RGPD1: variants seen among roughly 807,000 people sequenced by gnomAD.
RGPD1 encodes the protein RANBP2-like and GRIP domain-containing protein 1.
A neutral mutation model predicts 40.6 loss-of-function variants in RGPD1; 7 were observed. The ratio of observed to expected loss-of-function variants is 0.17; its 90% CI spans 0.10 to 0.32. The LOEUF is 0.32. Ranked by LOEUF, RGPD1 falls within the 10% of genes least tolerant of loss-of-function variation. The pLI is 1.00. For synonymous variants in RGPD1, 24 were observed against 167.0 expected, an observed-to-expected ratio of 0.14 and a Z score of 6.60; for missense variants, 50 against 472.5, an observed-to-expected ratio of 0.11 and a Z score of 8.29.
In RGPD1 at chr2:86,942,272, C is replaced by A; in HGVS notation, c.36C>A (p.Val12=). The change falls in exon 1 of 23, where the codon GTC becomes GTA. Residue 12 remains valine (V), a synonymous_variant. Coordinates refer to ENST00000641458, the MANE Select transcript of RGPD1 (RefSeq NM_001382344.1). ...RRSKAYGERY[V]ASVQGSAPSP... ...GCAAGGCCTACGGGGAGCGGTACGT[C>A]GCCTCGGTGCAGGGCTCCGCCCCGT... is the stretch of plus-strand genomic sequence containing the variant. 6.2e-7 allele frequency: 1 copy of A among 1,606,968 alleles called. No homozygotes were observed. The highest frequency in any genetic ancestry group is 2.2e-5 in the East Asian group (1 of 44,686).
intron 1 of RGPD1, among the ~76,000 whole-genome samples, chr2:86,942,966 C>T (rs1271109055): frequency 6.6e-6 from 1 of 152,064 alleles, no homozygotes; most frequent in East Asian, 1.9e-4. Context: ...AGTACCCGCG[C>T]GGCCTAGTTC....
At chr2:86,942,452 G>C (rs1277841628) in intron 1 of RGPD1, 144 bp downstream of exon 1, 6 of 670,504 alleles carry the variant, frequency 8.9e-6, no homozygotes, top group Non-Finnish European at 1.0e-5. Flanking sequence ...TCCCTGGCGC[G>C]CTCTGTTGAG....
chr2:86,941,519 A>G (rs1035992488), upstream of RGPD1, among the ~76,000 whole-genome samples: 1 of 148,338 alleles, frequency 6.7e-6, no homozygotes, highest in Admixed American at 6.7e-5. Context: ...TGCTGGGGCT[A>G]CCGGCTTGAG....
intron 1 of RGPD1, among the ~76,000 whole-genome samples, chr2:86,944,486 TC>T (rs1312238724): frequency 2.6e-5 from 4 of 152,020 alleles, no homozygotes; most frequent in Non-Finnish European, 5.9e-5. Flanking sequence ...CACTGCAACT[TC>T]CGCCTCCCCA....
chr2:86,960,527 C>T lies in RGPD1; in HGVS notation c.779+2100C>T, dbSNP rs1373007062. Among the ~76,000 whole-genome samples, 55 of 111,050 alleles carry T rather than the reference C, an allele frequency of 5.0e-4. 2 individuals carry two copies. The highest frequency in any genetic ancestry group is 7.7e-4 in the Non-Finnish European group (44 of 56,880). The allele number at this position is 111,050 out of a possible 152,430, so 72.9% of individuals were successfully genotyped here. ...GGCGTGAGCCACCGCGCTCAGCCCA[C>T]ACCTGGCTAATTTTTGTATTTTTAG... On this transcript the variant is annotated intron_variant, in intron 6 of 22. Transcript: ENST00000641458.
chr2:86,916,359 TA>T (rs1677797424), intron 1 of RGPD1, among the ~76,000 whole-genome samples: 1 of 144,148 alleles, frequency 6.9e-6, no homozygotes, highest in African/African-American at 2.5e-5. Context: ...CTTTGGTTAA[TA>T]GGCATGTTAA....
chr2:86,925,656 T>G (rs1678433186), intron 1 of RGPD1, among the ~76,000 whole-genome samples: 3 of 152,250 alleles, frequency 2.0e-5, no homozygotes, highest in Non-Finnish European at 4.4e-5. Flanking sequence ...TATTTACAAT[T>G]GCTTTGATTT....
intron 1 of RGPD1, among the ~76,000 whole-genome samples, chr2:86,932,020 A>G (rs1461747848): frequency 8.1e-5 from 12 of 148,310 alleles, no homozygotes; most frequent in African/African-American, 2.2e-4. Flanking sequence ...ATAGACAGAG[A>G]AGATAATAAT....
At chr2:86,941,628 A>G (rs1205205555), upstream of RGPD1, among the ~76,000 whole-genome samples, 1 of 151,732 alleles carries the variant, frequency 6.6e-6, no homozygotes, top group African/African-American at 2.4e-5. Flanking sequence ...GACAGAAAAT[A>G]CAGTATTGGA....
intron 1 of RGPD1, among the ~76,000 whole-genome samples, chr2:86,928,289 C>T (rs1467405523): frequency 6.6e-6 from 1 of 151,998 alleles, no homozygotes; most frequent in African/African-American, 2.4e-5. Context: ...AAACCTGGAC[C>T]AGGAATGAGC....
In RGPD1 at chr2:86,986,543, G is replaced by A. The variant is rs1573641298; in HGVS notation, c.3644G>A (p.Gly1215Asp). The A allele has an allele frequency of 2.6e-6, 1 of 383,092 alleles. No individual in the cohort carries two copies. The highest frequency in any genetic ancestry group is 4.3e-6 in the Non-Finnish European group (1 of 230,278). 23.7% of individuals were successfully genotyped at this position (383,092 alleles called of 1,614,324 possible). Reference sequence around the variant, plus strand: ...AAAGTCACTGAGGAAGAAAATAAGGGTTCAGGTACAGGTGCAGCCGGTGCC... The same window carrying A: ...AAAGTCACTGAGGAAGAAAATAAGGATTCAGGTACAGGTGCAGCCGGTGCC... ...QTKVTEEENK[G>D]SGTGAAGASD... Residue 1215 changes from glycine (G) to aspartate (D), a missense_variant, in exon 20 of 23, where the codon GGT becomes GAT. Transcript: ENST00000641458.
chr2:86,925,138 A>G (rs1678385555), intron 1 of RGPD1, among the ~76,000 whole-genome samples: 1 of 152,216 alleles, frequency 6.6e-6, no homozygotes, highest in South Asian at 2.1e-4. Context: ...AAAATTTGTA[A>G]GCTGGTGAAG....
intron 1 of RGPD1, among the ~76,000 whole-genome samples, chr2:86,944,407 GTTA>G (rs1440570544): frequency 6.6e-6 from 1 of 151,544 alleles, no homozygotes; most frequent in African/African-American, 2.4e-5. Context: ...TAATTTTTGT[GTTA>G]TTTTTTTTTT....
At chr2:86,927,132 A>T (rs1410026107) in intron 1 of RGPD1, among the ~76,000 whole-genome samples, 1 of 151,980 alleles carries the variant, frequency 6.6e-6, no homozygotes, top group Non-Finnish European at 1.5e-5. Context: ...AAAATTGCAG[A>T]TGCCTTTTCT....
At chr2:86,954,988 T>C (rs1680649199) in intron 4 of RGPD1, among the ~76,000 whole-genome samples, 1 of 47,968 alleles carries the variant, frequency 2.1e-5, no homozygotes, top group South Asian at 1.7e-3. Context: ...ATGAAATGTG[T>C]GACTTTTTTT....
At position 86,942,265 on chromosome 2, in the gene RGPD1, G is replaced by A. The variant is rs897869555; in HGVS notation, c.29G>A (p.Arg10Gln). 12 of 1,607,386 alleles carry A rather than the reference G, an allele frequency of 7.5e-6. No individual in the cohort carries two copies. Among genetic ancestry groups the A allele is most frequent in the African/African-American group, 2.7e-5 (2 of 74,612 alleles). MRRSKAYGERYVASVQGSAP... is the reference protein window; with the variant it reads MRRSKAYGEQYVASVQGSAP... Reference sequence around the variant, plus strand: ...AGGCGCAGCAAGGCCTACGGGGAGCGGTACGTCGCCTCGGTGCAGGGCTCC... The same window carrying A: ...AGGCGCAGCAAGGCCTACGGGGAGCAGTACGTCGCCTCGGTGCAGGGCTCC... Residue 10 changes from arginine to glutamine, a missense_variant, in exon 1 of 23, where the codon CGG (arginine) becomes CAG (glutamine). Arg to Gln is a conservative substitution (Grantham distance 43). Transcript: ENST00000641458.
chr2:86,949,247 C>T (rs1466159303), intron 1 of RGPD1, among the ~76,000 whole-genome samples: 1 of 152,312 alleles, frequency 6.6e-6, no homozygotes, highest in Admixed American at 6.5e-5. Flanking sequence ...CTAGCCATCT[C>T]AGTTATCAGA....
chr2:86,919,833 T>C (rs1276947563), intron 1 of RGPD1, among the ~76,000 whole-genome samples: 3 of 145,018 alleles, frequency 2.1e-5, no homozygotes, highest in Admixed American at 7.0e-5. Context: ...AACTGGAATG[T>C]AAATTCTAGG....
intron 1 of RGPD1, among the ~76,000 whole-genome samples, chr2:86,920,157 C>T (rs1224659866): frequency 6.6e-6 from 1 of 151,918 alleles, no homozygotes; most frequent in African/African-American, 2.4e-5. Context: ...ACAACCTCTG[C>T]CTCCTAAGTT....
Sources: gnomAD v4.1 joint callset for allele counts (sites outside exome capture counted in the v4.1 genomes callset) on GRCh38, gnomAD v4.1.1 for gene constraint, MANE v1.5 for transcripts, NCBI Gene and HGNC (gene_info 2026-07-23, HGNC 2026-07-21) for gene names.